The following ROS1 variants were observed in gnomAD, a reference collection of about 807,000 sequenced individuals.
ROS1 encodes ROS proto-oncogene 1, receptor tyrosine kinase, also known as proto-oncogene tyrosine-protein kinase ROS.
ROS1 carries 263 observed loss-of-function variants against 273.5 expected under a neutral mutation model. The observed-to-expected ratio is 0.96, with a 90% CI of 0.87 to 1.06. The LOEUF (loss-of-function observed/expected upper bound fraction) is 1.06. Among genes scored for constraint, ROS1 ranks in the 50% least tolerant of loss-of-function variants. The pLI, the probability that ROS1 is intolerant of heterozygous loss-of-function variation, is 0.00. For synonymous variants in ROS1, 1,008 were observed against 954.1 expected (o/e 1.06, Z -1.04); for missense variants, 2,833 against 2,751.1 (o/e 1.03, Z -0.67).
intron 29 of ROS1, 26 bp downstream of exon 29, chr6:117,342,373 GA>G: frequency 6.2e-7 from 1 of 1,603,056 alleles, no homozygotes; most frequent in South Asian, 1.1e-5. Context: ...TTCTGCTTGA[GA>G]AACCCACAAC....
chr6:117,299,113 A>G (rs1774479150), intron 43 of ROS1, among the ~76,000 whole-genome samples: 1 of 152,210 alleles, frequency 6.6e-6, no homozygotes, highest in Admixed American at 6.5e-5. Flanking sequence ...GTGAGTAGAA[A>G]CAATGTGAGA....
In ROS1 at chr6:117,329,391, T is replaced by G. The variant is rs754478105; in HGVS notation, c.5286A>C (p.Ser1762=). The change falls in exon 33 of 44, where the codon TCA becomes TCC. Residue 1762 remains serine (S), a synonymous_variant. Transcript: ENST00000368507. ...TATCTTCAGCTTTCTCCCACTGTAT[T>G]GAATTTTTACTCCCTTCTAGTAATT... ...IPKLLEGSKN[S]IQWEKAEDNG... 3 of 1,604,610 alleles carry G rather than the reference T, an allele frequency of 1.9e-6. No individual in the cohort carries two copies. Among genetic ancestry groups the G allele is most frequent in the Non-Finnish European group, 2.6e-6 (3 of 1,171,758 alleles).
At chr6:117,337,100 A>G in intron 32 of ROS1, 72 bp downstream of exon 32, 6 of 1,144,166 alleles carry the variant, frequency 5.2e-6, no homozygotes, top group Non-Finnish European at 7.7e-6. Context: ...TATCTCTAGG[A>G]TTAGTGAAAT....
At position 117,362,728 on chromosome 6, in the gene ROS1, A is replaced by G; in HGVS notation, c.3241T>C (p.Tyr1081His). 8 of 1,613,832 alleles carry G rather than the reference A, an allele frequency of 5.0e-6. No individual in the cohort carries two copies. The highest frequency in any genetic ancestry group is 5.9e-6 in the Non-Finnish European group (7 of 1,179,784). The part of the protein sequence containing the change: ...NGVLTKFEIF[Y>H]NISNQSITNK... ...GTAATACTTTGATTGGATATATTGTAGAAAATTTCAAATTTTGTTAACACC... is the reference window on the plus strand; with the variant it reads ...GTAATACTTTGATTGGATATATTGTGGAAAATTTCAAATTTTGTTAACACC... Residue 1081 changes from tyrosine to histidine, a missense_variant, in exon 22 of 44, where the codon TAC (tyrosine) becomes CAC (histidine). By Grantham distance (83) the Tyr-to-His change is moderately conservative. Coordinates refer to ENST00000368507, the MANE Select transcript of ROS1 (RefSeq NM_001378902.1).
At chr6:117,330,827 C>T (rs1777028857) in intron 32 of ROS1, among the ~76,000 whole-genome samples, 1 of 152,100 alleles carries the variant, frequency 6.6e-6, no homozygotes, top group Non-Finnish European at 1.5e-5. Context: ...CACAAAAAAC[C>T]CATACAAGGG....
At chr6:117,379,207 C>CGTT (rs1562337668) in intron 17 of ROS1, 48 bp from the exon 18 acceptor site, 1 of 1,192,786 alleles carries the variant, frequency 8.4e-7, no homozygotes, top group African/African-American at 1.5e-5. Flanking sequence ...ATGTTTGAAG[C>CGTT]ATAACTTTGT....
intron 43 of ROS1, among the ~76,000 whole-genome samples, chr6:117,296,604 A>C (rs1331174997): frequency 6.6e-6 from 1 of 152,086 alleles, no homozygotes; most frequent in Non-Finnish European, 1.5e-5. Flanking sequence ...AAAAATCAAA[A>C]CGATTGAACC....
chr6:117,317,325 GC>G, intron 38 of ROS1, 53 bp from the exon 39 acceptor site: 2 of 1,574,916 alleles, frequency 1.3e-6, no homozygotes. Flanking sequence ...AGGAGTCCTA[GC>G]CGAGGGTCTT....
intron 18 of ROS1, among the ~76,000 whole-genome samples, chr6:117,368,749 C>T (rs1441875906): frequency 6.6e-6 from 1 of 151,570 alleles, no homozygotes; most frequent in Admixed American, 6.6e-5. Flanking sequence ...AACTATTTTG[C>T]CTGTAAATTT....
Position 117,403,201 on chromosome 6 carries a change from A to G in ROS1, c.542T>C (p.Phe181Ser), listed in dbSNP as rs1417557820. The change falls in exon 7 of 44, where the codon TTC becomes TCC. Residue 181 changes from phenylalanine to serine, a missense_variant. Transcript: ENST00000368507. ...TEYIFRVVWI[F>S]TAQLQLYSPP... ...GGAGTAGAGCTGCAGCTGCGCTGTG[A>G]AGATCCAAACCACTCGGAAAATGTA... 1 of 1,612,854 alleles carries G rather than the reference A, an allele frequency of 6.2e-7. No individual in the cohort carries two copies. Among genetic ancestry groups the G allele is most frequent in the South Asian group, 1.1e-5 (1 of 90,620 alleles).
intron 18 of ROS1, among the ~76,000 whole-genome samples, chr6:117,369,690 T>C (rs975317507): frequency 6.6e-6 from 1 of 152,200 alleles, no homozygotes; most frequent in Non-Finnish European, 1.5e-5. Flanking sequence ...TTAGACAGCT[T>C]GTTTTGGCAA....
Position 117,400,624 on chromosome 6 carries a change from C to T in ROS1, c.604+2515G>A, listed in dbSNP as rs566331069. ...AGAGATAATGTCACTGTTTCATACT[C>T]AATCACCTTCATTTATGAAACACTT... On this transcript the variant is annotated intron_variant, in intron 7 of 43. Coordinates refer to ENST00000368507, the MANE Select transcript of ROS1 (RefSeq NM_001378902.1). Among the ~76,000 whole-genome samples, 7 of 152,260 alleles carry T rather than the reference C, an allele frequency of 4.6e-5. No homozygotes were observed. In the South Asian group the frequency reaches 1.5e-3, roughly 32 times the overall value.
chr6:117,381,830 C>T (rs1772175230), intron 17 of ROS1, among the ~76,000 whole-genome samples: 1 of 152,130 alleles, frequency 6.6e-6, no homozygotes, highest in Admixed American at 6.5e-5. Context: ...GCACTGTTTT[C>T]CATAGAGGTT....
At chr6:117,351,131 G>A (rs1562301913) in intron 27 of ROS1, among the ~76,000 whole-genome samples, 1 of 152,156 alleles carries the variant, frequency 6.6e-6, no homozygotes, top group Non-Finnish European at 1.5e-5. Context: ...GTAAGGTGTA[G>A]GGGAAGGGGA....
intron 32 of ROS1, 132 bp downstream of exon 32, chr6:117,337,040 A>G: frequency 1.4e-6 from 1 of 739,900 alleles, no homozygotes. Flanking sequence ...GAATTTCTTC[A>G]TTCAAGTTCT....
At chr6:117,347,564 T>C (rs888052992) in intron 27 of ROS1, among the ~76,000 whole-genome samples, 1 of 152,058 alleles carries the variant, frequency 6.6e-6, no homozygotes, top group African/African-American at 2.4e-5. Flanking sequence ...TTGTATTGTA[T>C]ACCTTTTCTT....
chr6:117,374,087 T>C (rs1781112316), intron 18 of ROS1, among the ~76,000 whole-genome samples: 1 of 152,162 alleles, frequency 6.6e-6, no homozygotes, highest in Admixed American at 6.5e-5. Flanking sequence ...ACAAATTCAA[T>C]GTAATTCCCA....
Position 117,383,469 on chromosome 6 carries a change from C to A in ROS1, c.2329G>T (p.Val777Phe), listed in dbSNP as rs755291346. The A allele has an allele frequency of 6.3e-5, 101 of 1,613,964 alleles. No homozygotes were observed. The highest frequency in any genetic ancestry group is 1.3e-5 in the African/African-American group (1 of 74,902). ...QSVLTGHTDIVTHVKLLVNDM... is the reference protein window; with the variant it reads ...QSVLTGHTDIFTHVKLLVNDM... ...TTCACCAATAGCTTCACGTGGGTAA[C>A]AATGTCTGTGTGTCCCGTCAACACA... Residue 777 changes from valine (V) to phenylalanine (F), a missense_variant, in exon 17 of 44, where the codon GTT becomes TTT. By Grantham distance (50) the Val-to-Phe change is conservative. Coordinates refer to ENST00000368507, the MANE Select transcript of ROS1 (RefSeq NM_001378902.1).
chr6:117,368,393 C>T (rs1322510087), intron 18 of ROS1, among the ~76,000 whole-genome samples: 3 of 151,982 alleles, frequency 2.0e-5, no homozygotes, highest in Non-Finnish European at 4.4e-5. Flanking sequence ...AATAGGTTTA[C>T]TCTTGTATAA....
Sources: allele counts gnomAD v4.1 joint callset (sites outside exome capture counted in the v4.1 genomes callset), GRCh38; gene constraint gnomAD v4.1.1; transcripts MANE v1.5; gene names NCBI Gene and HGNC (gene_info 2026-07-23, HGNC 2026-07-21).